CDC27: variants seen among roughly 807,000 people sequenced by gnomAD.
CDC27 encodes cell division cycle protein 27 homolog.
CDC27 carries 27 observed loss-of-function variants against 109.7 expected under a neutral mutation model. The ratio of observed to expected loss-of-function variants is 0.25; its 90% CI spans 0.18 to 0.34. CDC27 has a LOEUF of 0.34. Ranked by LOEUF, CDC27 falls within the 10% of genes least tolerant of loss-of-function variation. The pLI is 1.00. For missense variants in CDC27, 579 were observed against 960.2 expected, an observed-to-expected ratio of 0.60 and a Z score of 5.25; for synonymous variants, 266 against 333.9, an observed-to-expected ratio of 0.80 and a Z score of 2.22.
intron 17 of CDC27, 24 bp from the exon 18 acceptor site, chr17:47,122,624 A>AT: frequency 6.5e-7 from 1 of 1,529,164 alleles, no homozygotes; most frequent in Non-Finnish European, 8.8e-7. Flanking sequence ...GCAGCACTAC[A>AT]TTTTTCATTA....
In CDC27 at chr17:47,149,534, ATGTT is replaced by A. The variant is rs1344767715; in HGVS notation, c.1070+2268_1070+2271del. Among the ~76,000 whole-genome samples, 9 of 149,102 alleles carry A rather than the reference ATGTT, an allele frequency of 6.0e-5. No homozygotes were observed. The Admixed American group carries it at 6.0e-4, about 10-fold the overall frequency. On this transcript the variant is annotated intron_variant, in intron 9 of 18. Coordinates refer to ENST00000066544, the MANE Select transcript of CDC27 (RefSeq NM_001256.6). ...TAAAAAAAAAAAAAAAAAAAAAGAA[ATGTT>A]AAAAAGAAGTCCTTCAAGGTGGAGG...
At chr17:47,177,667 AC>A (rs1357789010) in intron 2 of CDC27, among the ~76,000 whole-genome samples, 1 of 152,182 alleles carries the variant, frequency 6.6e-6, no homozygotes, top group African/African-American at 2.4e-5. Flanking sequence ...CTGGGCTAGG[AC>A]CCTCAAAATA....
intron 3 of CDC27, 119 bp downstream of exon 3, chr17:47,171,798 T>C (rs979387441): frequency 6.1e-6 from 4 of 658,708 alleles, no homozygotes; most frequent in Non-Finnish European, 7.6e-6. Context: ...TTTCGAATGT[T>C]ACTGAAATAG....
rs1017723178 is a variant in CDC27, at chr17:47,157,092, A to C, written c.663T>G (p.Asn221Lys). Residue 221 changes from asparagine (N) to lysine (K), a missense_variant, in exon 7 of 19, where the codon AAT (asparagine) becomes AAG (lysine). By Grantham distance (94) the Asn-to-Lys change is moderately conservative. Coordinates refer to ENST00000066544, the MANE Select transcript of CDC27 (RefSeq NM_001256.6). ...AATCTGTATTCAAGGAGTACTTTGA[A>C]TTGGAAGATTCTAAATTCAATCTGT... ...ELNRLNLESS[N>K]SKYSLNTDSS... 2.5e-6 allele frequency: 4 copies of C among 1,586,290 alleles called. No homozygotes were observed. Among genetic ancestry groups the C allele is most frequent in the Non-Finnish European group, 3.4e-6 (4 of 1,167,318 alleles).
intron 2 of CDC27, among the ~76,000 whole-genome samples, chr17:47,173,223 T>C (rs978328972): frequency 2.0e-5 from 3 of 152,202 alleles, no homozygotes; most frequent in Non-Finnish European, 2.9e-5. Context: ...CACAGATATG[T>C]GCAAGCAAAA....
At chr17:47,186,039 T>C (rs895760127) in intron 1 of CDC27, among the ~76,000 whole-genome samples, 4 of 152,216 alleles carry the variant, frequency 2.6e-5, no homozygotes, top group Non-Finnish European at 5.9e-5. Context: ...CAAATGTCAA[T>C]AGTGCTCAGA....
At chr17:47,176,988 G>A (rs1429954630) in intron 2 of CDC27, among the ~76,000 whole-genome samples, 3 of 152,038 alleles carry the variant, frequency 2.0e-5, no homozygotes, top group Non-Finnish European at 4.4e-5. Context: ...CTGGTTAATA[G>A]AAAAGAAACA....
intron 1 of CDC27, chr17:47,188,757 T>A: frequency 9.5e-7 from 1 of 1,050,922 alleles, no homozygotes; most frequent in East Asian, 7.4e-5. Flanking sequence ...GTCACGAAGA[T>A]CACACAAGCT....
At chr17:47,124,175 G>T (rs1045110740) in intron 16 of CDC27, among the ~76,000 whole-genome samples, 1 of 40,068 alleles carries the variant, frequency 2.5e-5, no homozygotes, top group African/African-American at 1.4e-4. Flanking sequence ...CTAGTACACT[G>T]AAAACACACA....
intron 12 of CDC27, among the ~76,000 whole-genome samples, chr17:47,141,631 G>T (rs1207754429): frequency 6.6e-6 from 1 of 151,774 alleles, no homozygotes; most frequent in Non-Finnish European, 1.5e-5. Context: ...GGATGACTTG[G>T]GTCTCTATAA....
chr17:47,158,332 A>G, intron 4 of CDC27, 29 bp from the exon 5 acceptor site: 2 of 1,223,718 alleles, frequency 1.6e-6, no homozygotes, highest in Non-Finnish European at 2.3e-6. Flanking sequence ...AGATTAAATA[A>G]GCTACAAACC....
At chr17:47,158,653 C>G (rs2063394597) in intron 4 of CDC27, among the ~76,000 whole-genome samples, 1 of 148,968 alleles carries the variant, frequency 6.7e-6, no homozygotes, top group Non-Finnish European at 1.5e-5. Context: ...AGGTCTGGCT[C>G]TATCATACAG....
At chr17:47,159,479 G>T in intron 4 of CDC27, 1 of 569,272 alleles carries the variant, frequency 1.8e-6, no homozygotes, top group Non-Finnish European at 3.0e-6. Flanking sequence ...TGCTCCTGGG[G>T]GTGCGACGAG....
At chr17:47,139,128 AC>A (rs1325184041) in intron 12 of CDC27, among the ~76,000 whole-genome samples, 1 of 152,180 alleles carries the variant, frequency 6.6e-6, no homozygotes, top group African/African-American at 2.4e-5. Flanking sequence ...AAGAACATGA[AC>A]TCTGAAAAGG....
At chr17:47,121,320 A>C (rs537557384) in intron 18 of CDC27, among the ~76,000 whole-genome samples, 1 of 152,280 alleles carries the variant, frequency 6.6e-6, no homozygotes, top group African/African-American at 2.4e-5. Context: ...ATTAAAAAAA[A>C]AAAATTGACA....
chr17:47,174,124 G>A (rs377205142), intron 2 of CDC27, among the ~76,000 whole-genome samples: 128 of 152,300 alleles, frequency 8.4e-4, no homozygotes, highest in African/African-American at 3.0e-3. Context: ...GAAACTGTCA[G>A]ATAAGGAAGC....
intron 2 of CDC27, among the ~76,000 whole-genome samples, chr17:47,176,569 G>A (rs1343785279): frequency 1.3e-5 from 2 of 152,116 alleles, no homozygotes; most frequent in Non-Finnish European, 2.9e-5. Flanking sequence ...CAATATATGA[G>A]GAGAAAAAAG....
intron 14 of CDC27, among the ~76,000 whole-genome samples, chr17:47,135,407 A>AGATGATGATGAT (rs201672676): frequency 6.3e-4 from 95 of 150,658 alleles, no homozygotes; most frequent in Non-Finnish European, 1.2e-3. Flanking sequence ...GGCCATAACT[A>AGATGATGATGAT]GATGATGATG....
At chr17:47,176,065 T>C (rs2063994577) in intron 2 of CDC27, among the ~76,000 whole-genome samples, 1 of 152,156 alleles carries the variant, frequency 6.6e-6, no homozygotes, top group East Asian at 1.9e-4. Context: ...ACTTAATACA[T>C]GCACAGCAAT....
Sources: gnomAD v4.1 joint callset for allele counts (sites outside exome capture counted in the v4.1 genomes callset) on GRCh38, gnomAD v4.1.1 for gene constraint, MANE v1.5 for transcripts, NCBI Gene and HGNC (gene_info 2026-07-23, HGNC 2026-07-21) for gene names.